The following DTHD1 variants were observed in gnomAD, a reference collection of about 807,000 sequenced individuals.
DTHD1 encodes the protein death domain-containing protein 1.
DTHD1 carries 59 observed loss-of-function variants against 74.8 expected under a neutral mutation model. The observed-to-expected ratio is 0.79, with a 90% CI of 0.64 to 0.98. The LOEUF (loss-of-function observed/expected upper bound fraction) is 0.98, where lower values mean the gene tolerates loss of function less well. Ranked by LOEUF, DTHD1 falls within the 50% of genes least tolerant of loss-of-function variation. The pLI, the probability that DTHD1 is intolerant of heterozygous loss-of-function variation, is 0.00. For synonymous variants in DTHD1, 365 were observed against 371.1 expected, an observed-to-expected ratio of 0.98 and a Z score of 0.19; for missense variants, 1,051 against 1,065.4, an observed-to-expected ratio of 0.99 and a Z score of 0.19.
intron 8 of DTHD1, among the ~76,000 whole-genome samples, chr4:36,328,163 T>C (rs1253759778): frequency 6.6e-6 from 1 of 152,244 alleles, no homozygotes; most frequent in Non-Finnish European, 1.5e-5. Context: ...GGTAGTAGCC[T>C]GATTTTGTTT....
chr4:36,316,189 C>G (rs538868368), intron 7 of DTHD1, 53 bp from the exon 8 acceptor site: 1 of 1,516,606 alleles, frequency 6.6e-7, no homozygotes, highest in African/African-American at 1.4e-5. Context: ...CCTGCCTCGG[C>G]CTCCCAAAGT....
At chr4:36,302,049 G>A (rs750851987) in intron 5 of DTHD1, among the ~76,000 whole-genome samples, 18 of 152,266 alleles carry the variant, frequency 1.2e-4, no homozygotes, top group South Asian at 1.0e-3. Flanking sequence ...GGGTGCGGGG[G>A]CCCACTAAGG....
rs1755420701 is a variant in DTHD1, at chr4:36,281,918, CTCAGCAGTGCCCT to C, written c.164_176del (p.Ser55ThrfsTer38). On this transcript the variant is annotated frameshift_variant, in exon 1 of 10. Transcript: ENST00000639862. LOFTEE classifies it high-confidence loss of function. ...CACTGTGGTCTTTCTGGGTCAGGAA[CTCAGCAGTGCCCT>C]TCACCAGCTGCTGGAGCACACCTCA... is the stretch of plus-strand genomic sequence containing the variant. 3.0e-6 allele frequency: 4 copies of C among 1,321,440 alleles called. No individual in the cohort carries two copies. In the South Asian group the frequency reaches 7.3e-5, roughly 24 times the overall value. The allele number at this position is 1,321,440 out of a possible 1,614,324, so 81.9% of individuals were successfully genotyped here.
intron 4 of DTHD1, among the ~76,000 whole-genome samples, chr4:36,294,067 AAAG>A (rs1357076318): frequency 6.6e-6 from 1 of 151,988 alleles, no homozygotes; most frequent in Non-Finnish European, 1.5e-5. Context: ...GGATGACAAA[AAAG>A]AGGACAATCA....
intron 8 of DTHD1, among the ~76,000 whole-genome samples, chr4:36,329,502 C>T (rs1421414508): frequency 1.3e-5 from 2 of 152,184 alleles, no homozygotes; most frequent in African/African-American, 2.4e-5. Flanking sequence ...GTTCATGCTC[C>T]TTGCATTTTG....
chr4:36,336,248 T>C (rs992103547), intron 8 of DTHD1, among the ~76,000 whole-genome samples: 9 of 152,208 alleles, frequency 5.9e-5, no homozygotes, highest in African/African-American at 2.2e-4. Flanking sequence ...ATATCATAGG[T>C]GGCAAATTAA....
intron 3 of DTHD1, 132 bp downstream of exon 3, chr4:36,290,835 A>G: frequency 1.3e-6 from 1 of 745,874 alleles, no homozygotes; most frequent in Non-Finnish European, 2.1e-6. Flanking sequence ...AATTTGTGCC[A>G]GTGCGTTCAC....
chr4:36,335,302 C>T (rs1758947748), intron 8 of DTHD1, among the ~76,000 whole-genome samples: 1 of 152,084 alleles, frequency 6.6e-6, no homozygotes, highest in Non-Finnish European at 1.5e-5. Context: ...CAGCTAAATG[C>T]AACCTCTGCC....
At chr4:36,298,361 G>A (rs1339990124) in intron 5 of DTHD1, among the ~76,000 whole-genome samples, 2 of 152,152 alleles carry the variant, frequency 1.3e-5, no homozygotes, top group East Asian at 3.8e-4. Flanking sequence ...CAAACTCGTG[G>A]AAATGTAAAT....
At chr4:36,327,072 T>A (rs555104707) in intron 8 of DTHD1, among the ~76,000 whole-genome samples, 103 of 152,010 alleles carry the variant, frequency 6.8e-4, no homozygotes, top group African/African-American at 2.1e-3. Flanking sequence ...GTTCAAGCAA[T>A]TCTCCTGTCT....
chr4:36,332,250 AATAAAATAAT>A (rs1479186848), intron 8 of DTHD1, among the ~76,000 whole-genome samples: 36 of 116,010 alleles, frequency 3.1e-4, no homozygotes, highest in South Asian at 1.1e-3. Flanking sequence ...AATAAAATAA[AATAAAATAAT>A]AATATTGCTC....
chr4:36,316,732 G>A (rs1275892541), intron 8 of DTHD1, among the ~76,000 whole-genome samples: 1 of 152,146 alleles, frequency 6.6e-6, no homozygotes, highest in Non-Finnish European at 1.5e-5. Flanking sequence ...GCATGTTGTT[G>A]CTAACTATGA....
At chr4:36,342,918 C>CAAAAAAAAAAAAAA (rs55956868) in intron 9 of DTHD1, among the ~76,000 whole-genome samples, 5 of 96,948 alleles carry the variant, frequency 5.2e-5, no homozygotes, top group East Asian at 3.0e-4. Flanking sequence ...ACTAAAAATA[C>CAAAAAAAAAAAAAA]AAAAAAAAAA....
At chr4:36,285,874 TA>T (rs1755683340) in intron 2 of DTHD1, among the ~76,000 whole-genome samples, 1 of 152,132 alleles carries the variant, frequency 6.6e-6, no homozygotes, top group South Asian at 2.1e-4. Context: ...AGGTAAATGT[TA>T]GTCTATTCAT....
chr4:36,334,372 T>TC (rs1758881967), intron 8 of DTHD1, among the ~76,000 whole-genome samples: 1 of 134,154 alleles, frequency 7.5e-6, no homozygotes, highest in South Asian at 2.2e-4. Flanking sequence ...TTTTTTTTTT[T>TC]TTTTCTTTCA....
At chr4:36,327,245 G>T (rs1758407452) in intron 8 of DTHD1, among the ~76,000 whole-genome samples, 1 of 152,166 alleles carries the variant, frequency 6.6e-6, no homozygotes, top group Non-Finnish European at 1.5e-5. Context: ...GGGATTACAG[G>T]TGTGAGCCAC....
intron 7 of DTHD1, among the ~76,000 whole-genome samples, chr4:36,310,112 G>A (rs11945516): frequency 1.6e-4 from 25 of 152,224 alleles, no homozygotes; most frequent in East Asian, 3.9e-4. Flanking sequence ...TGATGGGCAC[G>A]TAAGTTGATT....
intron 8 of DTHD1, among the ~76,000 whole-genome samples, chr4:36,321,700 T>A (rs991630552): frequency 6.6e-6 from 1 of 152,240 alleles, no homozygotes; most frequent in African/African-American, 2.4e-5. Context: ...TCTACGAAAC[T>A]GGTTCCTGGT....
chr4:36,313,905 A>G (rs769623448), intron 7 of DTHD1, among the ~76,000 whole-genome samples: 11 of 152,168 alleles, frequency 7.2e-5, no homozygotes, highest in Non-Finnish European at 1.5e-4. Context: ...TGGAAACAGA[A>G]GTTAGCCAGA....
Sources: allele counts gnomAD v4.1 joint callset (sites outside exome capture counted in the v4.1 genomes callset), GRCh38; gene constraint gnomAD v4.1.1; transcripts MANE v1.5; gene names NCBI Gene and HGNC (gene_info 2026-07-23, HGNC 2026-07-21).